Variants in MYO5A observed in about 807,000 individuals in gnomAD.
MYO5A encodes the protein myosin VA.
A neutral mutation model predicts 249.7 loss-of-function variants in MYO5A; 98 were observed. That is an observed-to-expected ratio of 0.39 (90% CI 0.33 to 0.46). The LOEUF (loss-of-function observed/expected upper bound fraction) is 0.46. Ranked by LOEUF, MYO5A falls within the 20% of genes least tolerant of loss-of-function variation. MYO5A has a pLI of 0.98. For synonymous variants in MYO5A, 778 were observed against 810.6 expected, an observed-to-expected ratio of 0.96 and a Z score of 0.68; for missense variants, 1,696 against 2,308.8, an observed-to-expected ratio of 0.73 and a Z score of 5.44.
intron 21 of MYO5A, among the ~76,000 whole-genome samples, chr15:52,371,775 T>TGG (rs1331128921): frequency 6.6e-6 from 1 of 151,766 alleles, no homozygotes; most frequent in African/African-American, 2.4e-5. Context: ...AAGGCTGTGG[T>TGG]GGGAAGATCA....
intron 1 of MYO5A, among the ~76,000 whole-genome samples, chr15:52,441,139 T>C (rs1037107520): frequency 2.0e-5 from 3 of 152,190 alleles, no homozygotes; most frequent in Admixed American, 2.0e-4. Context: ...CTTTAGAGCA[T>C]GTTTTTGGTA....
At chr15:52,455,527 T>C (rs562768697) in intron 1 of MYO5A, among the ~76,000 whole-genome samples, 5 of 152,056 alleles carry the variant, frequency 3.3e-5, no homozygotes, top group Non-Finnish European at 7.4e-5. Context: ...TACAGGCTAA[T>C]ATCACTGATG....
chr15:52,427,377 A>G (rs956736108), intron 3 of MYO5A, among the ~76,000 whole-genome samples: 2 of 152,094 alleles, frequency 1.3e-5, no homozygotes, highest in Admixed American at 1.3e-4. Flanking sequence ...GAAAATATAT[A>G]TATACATAAT....
At chr15:52,408,703 TGA>T (rs890109371) in intron 6 of MYO5A, among the ~76,000 whole-genome samples, 27 of 152,360 alleles carry the variant, frequency 1.8e-4, no homozygotes, top group African/African-American at 6.0e-4. Flanking sequence ...CAGTATTTCC[TGA>T]GAGTCTTTTC....
Position 52,406,275 on chromosome 15 carries a change from G to GT in MYO5A, c.947-883dup, listed in dbSNP as rs540774427. 4.0e-5 allele frequency among the ~76,000 whole-genome samples: 6 copies of GT among 151,598 alleles called. No homozygotes were observed. The South Asian group carries it at 1.3e-3, about 32-fold the overall frequency. On this transcript the variant is annotated intron_variant, in intron 8 of 41. Coordinates refer to ENST00000399233, the MANE Select transcript of MYO5A (RefSeq NM_001382347.1). ...CCTGCATTATGGCTTTTTCTTTTTT[G>GT]TTTTTTTGACACACAGTCTCACTCT... is the stretch of plus-strand genomic sequence containing the variant.
intron 1 of MYO5A, among the ~76,000 whole-genome samples, chr15:52,445,781 C>T (rs182175157): frequency 2.8e-4 from 42 of 152,288 alleles, no homozygotes; most frequent in African/African-American, 8.7e-4. Flanking sequence ...ATGTGGCCCC[C>T]GCCCTAGGGG....
At chr15:52,396,450 T>A (rs28540257) in intron 10 of MYO5A, 53 bp from the exon 11 acceptor site, 3 of 1,059,926 alleles carry the variant, frequency 2.8e-6, no homozygotes, top group Non-Finnish European at 2.9e-6. Flanking sequence ...AAAAGCTTTT[T>A]AAAAATATTC....
At chr15:52,403,671 T>C (rs2042861854) in intron 9 of MYO5A, among the ~76,000 whole-genome samples, 1 of 152,204 alleles carries the variant, frequency 6.6e-6, no homozygotes, top group Admixed American at 6.5e-5. Context: ...CACTTAATGG[T>C]ACACTTTAAA....
At position 52,337,875 on chromosome 15, in the gene MYO5A, C is replaced by T; in HGVS notation, c.4249G>A (p.Glu1417Lys). 1 of 1,539,798 alleles carries T rather than the reference C, an allele frequency of 6.5e-7. No individual in the cohort carries two copies. Among genetic ancestry groups the T allele is most frequent in the Non-Finnish European group, 8.8e-7 (1 of 1,140,154 alleles). ...RLTNENLYFEELYADDPKKYQ... is the reference protein window; with the variant it reads ...RLTNENLYFEKLYADDPKKYQ... ...TTCTTAGGGTCATCTGCATATAATT[C>T]CTCAAAATACTGAAAAAACAGGCAC... Residue 1417 changes from glutamate (E) to lysine (K), a missense_variant, in exon 33 of 42, where the codon GAA becomes AAA. This residue lies in a region of MYO5A where 625 missense variants were observed against 908.1 expected (regional missense o/e 0.69). Transcript: ENST00000399233.
In MYO5A at chr15:52,470,293, T is replaced by G. The variant is rs938658608; in HGVS notation, c.28-37008A>C. ...GGGCAAGTAGACCACTTTGATAGCT[T>G]TGGTGTTGAATTCATAGGGTTCTAG... On this transcript the variant is annotated intron_variant, in intron 1 of 41. Coordinates refer to ENST00000399233, the MANE Select transcript of MYO5A (RefSeq NM_001382347.1). Among the ~76,000 whole-genome samples, 5 of 152,102 alleles carry G rather than the reference T, an allele frequency of 3.3e-5. No homozygotes were observed. The South Asian group carries it at 1.0e-3, about 32-fold the overall frequency.
At chr15:52,318,112 G>A (rs548210175) in intron 39 of MYO5A, among the ~76,000 whole-genome samples, 33 of 152,206 alleles carry the variant, frequency 2.2e-4, no homozygotes, top group African/African-American at 7.9e-4. Context: ...GACTTTGATA[G>A]GAGAAATCAT....
At chr15:52,496,868 T>G (rs1481363117) in intron 1 of MYO5A, among the ~76,000 whole-genome samples, 1 of 152,214 alleles carries the variant, frequency 6.6e-6, no homozygotes, top group Admixed American at 6.5e-5. Flanking sequence ...TAGTCCTGAG[T>G]TGGCACAATG....
rs35456308 is a variant in MYO5A at position 52,435,265 on chromosome 15, CTTTTTT to C, written c.28-1986_28-1981del. On this transcript the variant is annotated intron_variant, in intron 1 of 41. Transcript: ENST00000399233. ...ACTGTCCTGGATATTACGTTAACCT[CTTTTTT>C]TTTTTTTTTTTTTTTGAGACGGAGT... Among the ~76,000 whole-genome samples the C allele has an allele frequency of 8.4e-3, 960 of 113,724 alleles. 11 individuals carry two copies. The highest frequency in any genetic ancestry group is 0.031 in the African/African-American group (926 of 29,458). 74.6% of individuals were successfully genotyped at this position (113,724 alleles called of 152,430 possible). A position where few individuals can be genotyped will look rare whatever the true frequency, so the allele number is the denominator to read the frequency against.
intron 1 of MYO5A, among the ~76,000 whole-genome samples, chr15:52,442,006 A>G (rs2075794669): frequency 1.3e-5 from 2 of 152,238 alleles, no homozygotes; most frequent in Admixed American, 6.5e-5. Flanking sequence ...GAGAATATGC[A>G]TGATGCATTA....
chr15:52,431,231 C>CAAAAAA lies in MYO5A; in HGVS notation c.138+1938_138+1943dup, dbSNP rs1333488857. The stretch of plus-strand genomic sequence containing the variant: ...TGGGTGACAGAGCAAAATTCCGTCT[C>CAAAAAA]AAAAAAAAAAAAAAAGTCTAGTGCA... On this transcript the variant is annotated intron_variant, in intron 2 of 41. Coordinates refer to ENST00000399233, the MANE Select transcript of MYO5A (RefSeq NM_001382347.1). Among the ~76,000 whole-genome samples the CAAAAAA allele has an allele frequency of 6.8e-4, 31 of 45,844 alleles. 5 individuals carry two copies. In the South Asian group the frequency reaches 0.027, roughly 40 times the overall value. The allele number at this position is 45,844 out of a possible 152,430, so 30.1% of individuals were successfully genotyped here.
Position 52,367,079 on chromosome 15 carries a change from T to C in MYO5A, c.3112A>G (p.Lys1038Glu). The change falls in exon 23 of 42, where the codon AAA becomes GAA. Residue 1038 changes from lysine to glutamate, a missense_variant. Physicochemically the swap from Lys to Glu is moderately conservative, Grantham distance 56. Coordinates refer to ENST00000399233, the MANE Select transcript of MYO5A (RefSeq NM_001382347.1). ...KEENTLLKQE[K>E]EALNHRIVQQ... Reference sequence around the variant, plus strand: ...ACGATGCGGTGATTGAGGGCTTCTTTTTCTTGCTTCAGCAAAGTATTTTCT... The same window carrying C: ...ACGATGCGGTGATTGAGGGCTTCTTCTTCTTGCTTCAGCAAAGTATTTTCT... The C allele has an allele frequency of 6.2e-7, 1 of 1,613,922 alleles. No individual in the cohort carries two copies. The highest frequency in any genetic ancestry group is 8.5e-7 in the Non-Finnish European group (1 of 1,179,826).
At chr15:52,409,746 T>C (rs773967653) in intron 6 of MYO5A, among the ~76,000 whole-genome samples, 8 of 152,214 alleles carry the variant, frequency 5.3e-5, no homozygotes, top group Non-Finnish European at 1.0e-4. Context: ...GTATGCCTGC[T>C]AGTGATGGAA....
At chr15:52,488,208 A>T (rs1468839136) in intron 1 of MYO5A, among the ~76,000 whole-genome samples, 1 of 27,396 alleles carries the variant, frequency 3.7e-5, no homozygotes, top group African/African-American at 6.6e-5. Flanking sequence ...AGAAGGATTA[A>T]AAAAAAAAAA....
At chr15:52,410,560 T>TG (rs1567100044) in intron 5 of MYO5A, 84 bp from the exon 6 acceptor site, 1 of 1,341,648 alleles carries the variant, frequency 7.5e-7, no homozygotes, top group East Asian at 2.3e-5. Context: ...AGAGAAAAGA[T>TG]GGAGTAGAAC....
Sources: allele counts gnomAD v4.1 joint callset (sites outside exome capture counted in the v4.1 genomes callset), GRCh38; gene constraint gnomAD v4.1.1; regional missense constraint gnomAD v4.1.1; transcripts MANE v1.5; gene names NCBI Gene and HGNC (gene_info 2026-07-23, HGNC 2026-07-21).